Variants in ULK4 observed in about 807,000 individuals in gnomAD.
ULK4 encodes the protein unc-51 like kinase 4, also known as inactive serine/threonine-protein kinase ULK4.
In ULK4, 133 loss-of-function variants were observed where a neutral mutation model predicts 160.6. The observed-to-expected ratio is 0.83, with a 90% CI of 0.72 to 0.96. ULK4 has a LOEUF of 0.96. ULK4 is among the 40% of genes least tolerant of loss of function. The pLI is 0.00. For missense variants in ULK4, 1,580 were observed against 1,499.5 expected, an observed-to-expected ratio of 1.05 and a Z score of -0.89; for synonymous variants, 534 against 539.8, an observed-to-expected ratio of 0.99 and a Z score of 0.15.
At chr3:41,574,183 AAAAC>A (rs923442212) in intron 31 of ULK4, among the ~76,000 whole-genome samples, 7 of 152,160 alleles carry the variant, frequency 4.6e-5, no homozygotes, top group Non-Finnish European at 7.3e-5. Context: ...CCGTCTCAAA[AAAAC>A]AAACAAACAA....
intron 6 of ULK4, among the ~76,000 whole-genome samples, chr3:41,919,292 T>TAA (rs1181660745): frequency 6.6e-6 from 1 of 152,158 alleles, no homozygotes; most frequent in Non-Finnish European, 1.5e-5. Flanking sequence ...TCAGTATACA[T>TAA]AAAAATTTAT....
At chr3:41,684,059 T>C (rs1271809525) in intron 27 of ULK4, among the ~76,000 whole-genome samples, 1 of 152,184 alleles carries the variant, frequency 6.6e-6, no homozygotes, top group Admixed American at 6.5e-5. Flanking sequence ...GATGACTTCT[T>C]GCAAAGAGAA....
intron 21 of ULK4, among the ~76,000 whole-genome samples, chr3:41,762,655 C>CGTTTTTTTTTTTTTTT (rs538388454): frequency 2.2e-5 from 2 of 88,976 alleles, no homozygotes; most frequent in African/African-American, 9.0e-5. Context: ...AAGTGTTACA[C>CGTTTTTTTTTTTTTTT]TTTTTTTTTT....
chr3:41,343,419 C>A (rs1232519591), intron 35 of ULK4, among the ~76,000 whole-genome samples: 1 of 150,396 alleles, frequency 6.6e-6, no homozygotes, highest in Non-Finnish European at 1.5e-5. Context: ...ATTCTCCTGC[C>A]TCAGTCTCCT....
rs374513211 is a variant in ULK4, at chr3:41,794,700, A to C, written c.2011-4857T>G. Among the ~76,000 whole-genome samples the C allele has an allele frequency of 3.6e-4, 53 of 148,736 alleles. 2 individuals carry two copies. The highest frequency in any genetic ancestry group is 8.1e-4 in the Admixed American group (12 of 14,828). On this transcript the variant is annotated intron_variant, in intron 20 of 36. Coordinates refer to ENST00000301831, the MANE Select transcript of ULK4 (RefSeq NM_017886.4). ...AAAAAAAAAAAACACAGAAAAAAAA[A>C]CCACAAACCTGTGTATAAATACATT...
chr3:41,379,815 G>A lies in ULK4; in HGVS notation c.3678+18264C>T, dbSNP rs116562016. Among the ~76,000 whole-genome samples, 1,018 of 152,304 alleles carry A rather than the reference G, an allele frequency of 6.7e-3. 5 individuals carry two copies. The highest frequency in any genetic ancestry group is 0.015 in the East Asian group (80 of 5,184). On this transcript the variant is annotated intron_variant, in intron 35 of 36. Coordinates refer to ENST00000301831, the MANE Select transcript of ULK4 (RefSeq NM_017886.4). ...CTTGATTTTAAAGGCAAATTCTTAA[G>A]AAGAAACTATGCATGCATGTGGGAT...
chr3:41,467,716 C>A (rs2083871236), intron 32 of ULK4, among the ~76,000 whole-genome samples: 1 of 152,064 alleles, frequency 6.6e-6, no homozygotes, highest in South Asian at 2.1e-4. Context: ...TTAAAGAATT[C>A]TATGAAATAA....
At chr3:41,273,223 G>C (rs2079168293) in intron 35 of ULK4, among the ~76,000 whole-genome samples, 1 of 151,792 alleles carries the variant, frequency 6.6e-6, no homozygotes, top group Non-Finnish European at 1.5e-5. Context: ...GTTTTTTTGA[G>C]GTCTTGCTTT....
chr3:41,543,434 T>A (rs191448510), intron 32 of ULK4, among the ~76,000 whole-genome samples: 1 of 152,098 alleles, frequency 6.6e-6, no homozygotes. Flanking sequence ...ATTAGAACAA[T>A]GTTGTATTGT....
At chr3:41,940,215 G>C (rs1334788176) in intron 2 of ULK4, among the ~76,000 whole-genome samples, 1 of 152,052 alleles carries the variant, frequency 6.6e-6, no homozygotes, top group Non-Finnish European at 1.5e-5. Context: ...CATCATGACT[G>C]CTTCCTTTCA....
chr3:41,750,321 A>T (rs940928855), intron 22 of ULK4, among the ~76,000 whole-genome samples: 1 of 152,068 alleles, frequency 6.6e-6, no homozygotes, highest in Admixed American at 6.5e-5. Context: ...TAATTCTTTT[A>T]TTCTCATTTG....
intron 35 of ULK4, among the ~76,000 whole-genome samples, chr3:41,362,006 G>A (rs912627916): frequency 3.3e-5 from 5 of 152,168 alleles, no homozygotes; most frequent in African/African-American, 1.2e-4. Context: ...AATTTGTGGA[G>A]GGAAGAGTTT....
At chr3:41,721,333 AATAT>A (rs71075483) in intron 22 of ULK4, among the ~76,000 whole-genome samples, 426 of 26,938 alleles carry the variant, frequency 0.016, 14 homozygotes, top group African/African-American at 0.052. Flanking sequence ...TTTTAATGTA[AATAT>A]ATATATATAT....
intron 34 of ULK4, among the ~76,000 whole-genome samples, chr3:41,406,943 A>C (rs560829882): frequency 1.7e-4 from 26 of 152,304 alleles, no homozygotes; most frequent in Non-Finnish European, 8.8e-5. Flanking sequence ...CAGATTAGAG[A>C]CTTGAGCGAG....
intron 21 of ULK4, among the ~76,000 whole-genome samples, chr3:41,777,594 A>T (rs1178674540): frequency 1.2e-5 from 1 of 81,842 alleles, no homozygotes; most frequent in Non-Finnish European, 2.3e-5. Context: ...ACTGCTTTGA[A>T]TGCGTCCCAG....
At chr3:41,872,109 A>G (rs1697116024) in intron 17 of ULK4, among the ~76,000 whole-genome samples, 1 of 152,180 alleles carries the variant, frequency 6.6e-6, no homozygotes, top group South Asian at 2.1e-4. Flanking sequence ...GCCCTAGGAT[A>G]TAGCCCTTAG....
chr3:41,493,407 TCTCTGGGACAC>T (rs1435455142), intron 32 of ULK4, among the ~76,000 whole-genome samples: 1 of 138,048 alleles, frequency 7.2e-6, no homozygotes, highest in African/African-American at 2.7e-5. Context: ...CATACCAGAA[TCTCTGGGACAC>T]ATTCAAAGCA....
intron 30 of ULK4, among the ~76,000 whole-genome samples, chr3:41,644,605 T>C (rs1405948272): frequency 5.9e-5 from 9 of 152,196 alleles, no homozygotes; most frequent in African/African-American, 9.7e-5. Context: ...CAGTATTTTA[T>C]TGAGGATTTT....
chr3:41,637,631 G>A (rs927389357), intron 30 of ULK4, among the ~76,000 whole-genome samples: 1 of 152,138 alleles, frequency 6.6e-6, no homozygotes, highest in African/African-American at 2.4e-5. Flanking sequence ...TTTCCATAAT[G>A]GCTGTAACAA....
Sources: gnomAD v4.1 joint callset for allele counts (sites outside exome capture counted in the v4.1 genomes callset) on GRCh38, gnomAD v4.1.1 for gene constraint, MANE v1.5 for transcripts, NCBI Gene and HGNC (gene_info 2026-07-23, HGNC 2026-07-21) for gene names.